CD58: variants seen among roughly 807,000 people sequenced by gnomAD.
CD58 encodes CD58 molecule.
A neutral mutation model predicts 27.6 loss-of-function variants in CD58; 14 were observed. That is an observed-to-expected ratio of 0.51 (90% CI 0.34 to 0.79). CD58 has a LOEUF of 0.79. Ranked by LOEUF, CD58 falls within the 30% of genes least tolerant of loss-of-function variation. CD58 has a pLI of 0.02. For synonymous variants in CD58, 117 were observed against 103.8 expected (o/e 1.13, Z -0.77); for missense variants, 268 against 301.7 (o/e 0.89, Z 0.83).
At chr1:116,565,914 TCA>T (rs1658914332) in intron 1 of CD58, among the ~76,000 whole-genome samples, 1 of 152,140 alleles carries the variant, frequency 6.6e-6, no homozygotes, top group African/African-American at 2.4e-5. Context: ...AGACAGGGTT[TCA>T]CTGCGTTAGC....
intron 1 of CD58, among the ~76,000 whole-genome samples, chr1:116,555,685 A>T (rs576836198): frequency 1.3e-5 from 2 of 152,252 alleles, no homozygotes; most frequent in Non-Finnish European, 2.9e-5. Context: ...TCTACAAAAC[A>T]TCAACACCTC....
At chr1:116,540,967 G>A (rs1480108223) in intron 2 of CD58, among the ~76,000 whole-genome samples, 1 of 152,048 alleles carries the variant, frequency 6.6e-6, no homozygotes, top group Non-Finnish European at 1.5e-5. Flanking sequence ...GCACCACCAT[G>A]CCTGGTTAAT....
At position 116,544,377 on chromosome 1, in the gene CD58, C is replaced by G; in HGVS notation, c.298G>C (p.Glu100Gln). Reference protein sequence around the residue: ...LTIYNLTSSDEDEYEMESPNI... With the variant: ...LTIYNLTSSDQDEYEMESPNI... ...GGCGATTCCATTTCATACTCATCTT[C>G]ATCTGATGATGTTAAGTTGTAGATA... Residue 100 changes from glutamate to glutamine, a missense_variant, in exon 2 of 6, where the codon GAA becomes CAA. Coordinates refer to ENST00000369489, the MANE Select transcript of CD58 (RefSeq NM_001779.3). 6.2e-7 allele frequency: 1 copy of G among 1,612,380 alleles called. No individual in the cohort carries two copies. Among genetic ancestry groups the G allele is most frequent in the African/African-American group, 1.3e-5 (1 of 75,008 alleles).
intron 3 of CD58, among the ~76,000 whole-genome samples, chr1:116,525,669 C>G (rs1657405274): frequency 6.6e-6 from 1 of 152,198 alleles, no homozygotes; most frequent in Non-Finnish European, 1.5e-5. Context: ...ATGAGAGTTG[C>G]TCCACATCCT....
chr1:116,526,607 C>T (rs1166782684), intron 3 of CD58, among the ~76,000 whole-genome samples: 2 of 152,190 alleles, frequency 1.3e-5, no homozygotes, highest in East Asian at 1.9e-4. Flanking sequence ...TATAGTAAGT[C>T]TTGAAGTTGA....
rs1052810193 is a variant in CD58 at position 116,522,029 on chromosome 1, A to G, written c.629-46T>C. Reference sequence around the variant, plus strand: ...GAAATTCAACTAGTTGAACTGATCAAAATGGATCCTCATTATTTGCAGATT... The same window carrying G: ...GAAATTCAACTAGTTGAACTGATCAGAATGGATCCTCATTATTTGCAGATT... On this transcript the variant is annotated intron_variant, in intron 3 of 5. Transcript: ENST00000369489. This position sits in a 1 kb window ranked among gnomAD's most constrained non-coding sequence, Gnocchi z 4.6. 3.0e-6 allele frequency: 3 copies of G among 1,013,028 alleles called. No homozygotes were observed. The highest frequency in any genetic ancestry group is 4.5e-6 in the Non-Finnish European group (3 of 666,500). The allele number at this position is 1,013,028 out of a possible 1,614,324, so 62.8% of individuals were successfully genotyped here.
Position 116,516,132 on chromosome 1 carries a change from G to A in CD58, c.744-1310C>T, listed in dbSNP as rs374137581. ...CTCCCACTAACTCCTAAACTCAAGC[G>A]ATCCTCGCACCTCAGCCTCCCAAGT... On this transcript the variant is annotated intron_variant, in intron 5 of 5. Transcript: ENST00000369489. This position sits in a 1 kb window ranked among gnomAD's most constrained non-coding sequence, Gnocchi z 6.1. 4.6e-5 allele frequency among the ~76,000 whole-genome samples: 7 copies of A among 152,022 alleles called. No homozygotes were observed. The East Asian group carries it at 9.6e-4, about 21-fold the overall frequency.
chr1:116,547,576 G>C (rs541574890), intron 1 of CD58, among the ~76,000 whole-genome samples: 2 of 151,978 alleles, frequency 1.3e-5, no homozygotes, highest in African/African-American at 4.8e-5. Context: ...TGATCTGCCC[G>C]CCTTGGCCTC....
At chr1:116,525,739 G>A (rs1260445188) in intron 3 of CD58, among the ~76,000 whole-genome samples, 2 of 152,184 alleles carry the variant, frequency 1.3e-5, no homozygotes, top group Admixed American at 6.5e-5. Context: ...GCGTGAAGTG[G>A]TATTTCATTG....
rs1352641442 is a variant in CD58 at position 116,552,826 on chromosome 1, T to C, written c.71-8222A>G. Among the ~76,000 whole-genome samples, 2 of 152,356 alleles carry C rather than the reference T, an allele frequency of 1.3e-5. No individual in the cohort carries two copies. The highest frequency in any genetic ancestry group is 2.1e-4 in the South Asian group (1 of 4,824). On this transcript the variant is annotated intron_variant, in intron 1 of 5. Coordinates refer to ENST00000369489, the MANE Select transcript of CD58 (RefSeq NM_001779.3). This position sits in a 1 kb window ranked among gnomAD's most constrained non-coding sequence, Gnocchi z 4.5. ...ATGTCCTGATGTATTTATGGTTTCA[T>C]ATTTATGTGGGAGTAGAGTGGAGCT...
rs1657453700 is a variant in CD58, at chr1:116,527,062, C to T, written c.629-5079G>A. 6.6e-6 allele frequency among the ~76,000 whole-genome samples: 1 copy of T among 152,028 alleles called. No individual in the cohort carries two copies. Among genetic ancestry groups the T allele is most frequent in the Non-Finnish European group, 1.5e-5 (1 of 67,958 alleles). On this transcript the variant is annotated intron_variant, in intron 3 of 5. Coordinates refer to ENST00000369489, the MANE Select transcript of CD58 (RefSeq NM_001779.3). The surrounding 1 kb of genome is among the most constrained non-coding windows in gnomAD (Gnocchi z 4.4). ...AATGTGCTATAGTTTTTTATTAGTT[C>T]CAGGAGGTTTTTGGTCAATTCGTTT...
rs370373706 is a variant in CD58 at position 116,570,982 on chromosome 1, G to A, written c.-10C>T. 595 of 1,542,614 alleles carry A rather than the reference G, an allele frequency of 3.9e-4. 3 individuals are homozygous for A. The African/African-American group carries it at 7.3e-3, about 19-fold the overall frequency. On this transcript the variant is annotated 5_prime_UTR_variant, in exon 1 of 6. Transcript: ENST00000369489. This position sits in a 1 kb window ranked among gnomAD's most constrained non-coding sequence, Gnocchi z 6.4. Reference sequence around the variant, plus strand: ...CGCTCCCAGCAACCATGGCTCGTCGGGCCGGCCTCTGCGCGAGTGCCCAGC... The same window carrying A: ...CGCTCCCAGCAACCATGGCTCGTCGAGCCGGCCTCTGCGCGAGTGCCCAGC...
rs375219040 is a variant in CD58 at position 116,522,024 on chromosome 1, G to A, written c.629-41C>T. On this transcript the variant is annotated intron_variant, in intron 3 of 5. Coordinates refer to ENST00000369489, the MANE Select transcript of CD58 (RefSeq NM_001779.3). This position sits in a 1 kb window ranked among gnomAD's most constrained non-coding sequence, Gnocchi z 4.6. The stretch of plus-strand genomic sequence containing the variant: ...GAAAAGAAATTCAACTAGTTGAACT[G>A]ATCAAAATGGATCCTCATTATTTGC... 14 of 1,010,758 alleles carry A rather than the reference G, an allele frequency of 1.4e-5. No homozygotes were observed. Among genetic ancestry groups the A allele is most frequent in the Non-Finnish European group, 1.8e-5 (12 of 664,982 alleles). The allele number at this position is 1,010,758 out of a possible 1,614,324, so 62.6% of individuals were successfully genotyped here. A position where few individuals can be genotyped will look rare whatever the true frequency, so the allele number is the denominator to read the frequency against.
chr1:116,556,169 C>T (rs1188353499), intron 1 of CD58, among the ~76,000 whole-genome samples: 1 of 148,166 alleles, frequency 6.7e-6, no homozygotes, highest in African/African-American at 2.5e-5. Context: ...GCAGGAGAAT[C>T]GCTTGAACCC....
chr1:116,565,033 C>T (rs1404917668), intron 1 of CD58, among the ~76,000 whole-genome samples: 1 of 152,194 alleles, frequency 6.6e-6, no homozygotes, highest in Non-Finnish European at 1.5e-5. Flanking sequence ...AAAACACATC[C>T]AGATATCTCC....
At chr1:116,547,865 T>C (rs1462243815) in intron 1 of CD58, among the ~76,000 whole-genome samples, 1 of 152,206 alleles carries the variant, frequency 6.6e-6, no homozygotes, top group African/African-American at 2.4e-5. Flanking sequence ...GTTCTACTTT[T>C]AGTTGCTTAA....
At chr1:116,542,752 T>C (rs1175952650) in intron 2 of CD58, among the ~76,000 whole-genome samples, 1 of 152,140 alleles carries the variant, frequency 6.6e-6, no homozygotes, top group East Asian at 1.9e-4. Context: ...CGTGGAAAGT[T>C]TAACTTCAGG....
intron 1 of CD58, among the ~76,000 whole-genome samples, chr1:116,569,367 C>G (rs966049269): frequency 6.6e-6 from 1 of 152,148 alleles, no homozygotes; most frequent in South Asian, 2.1e-4. Context: ...TCTTCCCAGG[C>G]GCATGGTCCT....
chr1:116,514,934 T>C lies in CD58; in HGVS notation c.744-112A>G, dbSNP rs1196879449. On this transcript the variant is annotated intron_variant, in intron 5 of 5. Transcript: ENST00000369489. ...AGTGAATAGCCCTTTTGTAATAAACTCATCAAAGCCAAGGGAGCTAGGGAG... is the reference window on the plus strand; with the variant it reads ...AGTGAATAGCCCTTTTGTAATAAACCCATCAAAGCCAAGGGAGCTAGGGAG... 4.2e-6 allele frequency: 3 copies of C among 709,698 alleles called. No homozygotes were observed. In the South Asian group the frequency reaches 5.4e-5, roughly 13 times the overall value. The allele number at this position is 709,698 out of a possible 1,614,324, so 44.0% of individuals were successfully genotyped here. A position where few individuals can be genotyped will look rare whatever the true frequency, so the allele number is the denominator to read the frequency against.
Sources: allele counts gnomAD v4.1 joint callset (sites outside exome capture counted in the v4.1 genomes callset), GRCh38; gene constraint gnomAD v4.1.1; non-coding constraint Gnocchi (gnomAD v3.1); transcripts MANE v1.5; gene names NCBI Gene and HGNC (gene_info 2026-07-23, HGNC 2026-07-21).